Variants in TMEM254 observed in about 807,000 individuals in gnomAD.
TMEM254 encodes transmembrane protein 254.
Under a neutral mutation model 13.9 loss-of-function variants are expected in TMEM254, and 16 were observed. The ratio of observed to expected loss-of-function variants is 1.15; its 90% CI spans 0.78 to 1.75. The LOEUF (loss-of-function observed/expected upper bound fraction) is 1.75. Ranked by LOEUF, TMEM254 falls within the 40% of genes most tolerant of loss-of-function variation. The pLI, the probability that TMEM254 is intolerant of heterozygous loss-of-function variation, is 0.00. For synonymous variants in TMEM254, 61 were observed against 56.4 expected (o/e 1.08, Z -0.36); for missense variants, 155 against 149.0 (o/e 1.04, Z -0.21).
At chr10:80,079,291 T>C (rs1394051455) in intron 1 of TMEM254, 22 of 1,208,344 alleles carry the variant, frequency 1.8e-5, no homozygotes, top group Non-Finnish European at 2.2e-5. Context: ...CATCTGACGG[T>C]TGTCTCGGTT....
At chr10:80,090,023 A>G (rs7918223) in intron 3 of TMEM254, among the ~76,000 whole-genome samples, 32,045 of 149,832 alleles carry the variant, frequency 0.21, 3,730 homozygotes, top group East Asian at 0.4. Flanking sequence ...AAAAAAAAAG[A>G]AATTTGTCAA....
In TMEM254 at chr10:80,078,722, C is replaced by T. The variant is rs997938445; in HGVS notation, c.23C>T (p.Thr8Ile). 6.2e-7 allele frequency: 1 copy of T among 1,606,358 alleles called. No individual in the cohort carries two copies. Among genetic ancestry groups the T allele is most frequent in the Non-Finnish European group, 8.5e-7 (1 of 1,177,440 alleles). The change falls in exon 1 of 4, where the codon ACC (threonine) becomes ATC (isoleucine). Residue 8 changes from threonine to isoleucine, a missense_variant. Transcript: ENST00000372281. MATAAGATYFQRGSLFWF... is the reference protein window; with the variant it reads MATAAGAIYFQRGSLFWF... ...GCCATGGCTACGGCAGCCGGCGCGA[C>T]CTACTTTCAGCGAGGCAGTCTGTTC...
chr10:80,079,237 C>A (rs1450609235), intron 1 of TMEM254: 2 of 1,255,794 alleles, frequency 1.6e-6, no homozygotes, highest in Non-Finnish European at 2.1e-6. Flanking sequence ...GCCGGGCCCT[C>A]GTAGGGCGAG....
intron 3 of TMEM254, among the ~76,000 whole-genome samples, chr10:80,083,826 T>G (rs1392892710): frequency 6.6e-6 from 1 of 152,080 alleles, no homozygotes; most frequent in Admixed American, 6.6e-5. Flanking sequence ...CCTATAATCC[T>G]AGCACTTTAG....
chr10:80,081,713 AT>A, intron 1 of TMEM254, 127 bp from the exon 2 acceptor site: 1 of 1,608,706 alleles, frequency 6.2e-7, no homozygotes. Flanking sequence ...GGAGACCCAA[AT>A]GACTGTTCAG....
intron 3 of TMEM254, among the ~76,000 whole-genome samples, chr10:80,084,917 C>T (rs1844235456): frequency 6.6e-6 from 1 of 152,054 alleles, no homozygotes; most frequent in African/African-American, 2.4e-5. Flanking sequence ...CCTCTGCCTC[C>T]CTGGTTCAAG....
At chr10:80,090,305 G>A (rs749476523) in intron 3 of TMEM254, 4 of 708,926 alleles carry the variant, frequency 5.6e-6, no homozygotes, top group South Asian at 1.5e-5. Context: ...TCCTTCCTGA[G>A]CATGTTGTGT....
At chr10:80,089,299 T>C (rs1434942403) in intron 3 of TMEM254, among the ~76,000 whole-genome samples, 3 of 152,202 alleles carry the variant, frequency 2.0e-5, no homozygotes, top group Admixed American at 6.5e-5. Context: ...ATGTTTATTA[T>C]AGAGTTTTGT....
At chr10:80,081,676 GAA>G (rs1343749328) in intron 1 of TMEM254, 163 bp from the exon 2 acceptor site, 16 of 1,416,752 alleles carry the variant, frequency 1.1e-5, no homozygotes, top group Non-Finnish European at 1.5e-5. Context: ...AAAAAAAAAA[GAA>G]AGAAAGAAAA....
chr10:80,090,939 A>G lies in TMEM254; in HGVS notation c.*22A>G. Reference sequence around the variant, plus strand: ...TTGAAGTTGTCTGAAAGCTTGCTCTACACTTTTACATTCATCCTCACCCTT... The same window carrying G: ...TTGAAGTTGTCTGAAAGCTTGCTCTGCACTTTTACATTCATCCTCACCCTT... On this transcript the variant is annotated 3_prime_UTR_variant, in exon 4 of 4. Coordinates refer to ENST00000372281, the MANE Select transcript of TMEM254 (RefSeq NM_025125.4). 6.2e-7 allele frequency: 1 copy of G among 1,612,748 alleles called. No homozygotes were observed. Among genetic ancestry groups the G allele is most frequent in the Non-Finnish European group, 8.5e-7 (1 of 1,179,556 alleles).
chr10:80,091,072 C>T lies in TMEM254; in HGVS notation c.*155C>T. 1 of 877,498 alleles carries T rather than the reference C, an allele frequency of 1.1e-6. No homozygotes were observed. The allele number at this position is 877,498 out of a possible 1,614,324, so 54.4% of individuals were successfully genotyped here. A position where few individuals can be genotyped will look rare whatever the true frequency, so the allele number is the denominator to read the frequency against. Reference sequence around the variant, plus strand: ...ACCCCCTCGTTAGTCAGTTTTTTCTCTTATATGCTCTGGTTGAGCTTGAAT... The same window carrying T: ...ACCCCCTCGTTAGTCAGTTTTTTCTTTTATATGCTCTGGTTGAGCTTGAAT... On this transcript the variant is annotated 3_prime_UTR_variant, in exon 4 of 4. Coordinates refer to ENST00000372281, the MANE Select transcript of TMEM254 (RefSeq NM_025125.4).
chr10:80,083,539 G>A (rs181424707), intron 3 of TMEM254, among the ~76,000 whole-genome samples: 6 of 152,262 alleles, frequency 3.9e-5, no homozygotes, highest in Admixed American at 6.5e-5. Context: ...CAAACAGATC[G>A]TAGGATTTCC....
At position 80,090,950 on chromosome 10, in the gene TMEM254, T is replaced by G; in HGVS notation, c.*33T>G. 2 of 1,610,546 alleles carry G rather than the reference T, an allele frequency of 1.2e-6. No individual in the cohort carries two copies. Among genetic ancestry groups the G allele is most frequent in the Non-Finnish European group, 1.7e-6 (2 of 1,178,848 alleles). On this transcript the variant is annotated 3_prime_UTR_variant, in exon 4 of 4. Transcript: ENST00000372281. ...TGAAAGCTTGCTCTACACTTTTACA[T>G]TCATCCTCACCCTTTTTTTTGTGGG...
intron 1 of TMEM254, chr10:80,079,065 GTGTC>G: frequency 2.1e-6 from 3 of 1,460,550 alleles, no homozygotes; most frequent in Non-Finnish European, 2.8e-6. Flanking sequence ...AGCCAACTCT[GTGTC>G]TGGGTTTTTC....
chr10:80,079,383 A>C, intron 1 of TMEM254: 1 of 1,139,058 alleles, frequency 8.8e-7, no homozygotes, highest in Non-Finnish European at 1.1e-6. Flanking sequence ...TCACCTCTGC[A>C]TGGTTACTAA....
In TMEM254 at chr10:80,082,284, A is replaced by G. The variant is rs1303998109; in HGVS notation, c.251+80A>G. On this transcript the variant is annotated intron_variant, in intron 3 of 3. Transcript: ENST00000372281. ...GAGAGCAGCCACATTTAAATAGTTC[A>G]CACACTTGTAGGCTGAGAATATTCT... The G allele has an allele frequency of 5.3e-6, 8 of 1,497,342 alleles. No homozygotes were observed. The Admixed American group carries it at 6.7e-5, about 13-fold the overall frequency. The allele number at this position is 1,497,342 out of a possible 1,614,324, so 92.8% of individuals were successfully genotyped here.
intron 3 of TMEM254, among the ~76,000 whole-genome samples, chr10:80,087,909 G>T (rs1271501040): frequency 1.3e-5 from 2 of 151,262 alleles, no homozygotes; most frequent in East Asian, 1.9e-4. Context: ...TATTCTGTTG[G>T]GCCTTTTGAT....
chr10:80,088,975 G>T (rs1370086081), intron 3 of TMEM254, among the ~76,000 whole-genome samples: 3 of 149,668 alleles, frequency 2.0e-5, no homozygotes. Context: ...TCAGTGGCAT[G>T]ATCTTGGCTC....
chr10:80,083,350 C>T (rs1276264969), intron 3 of TMEM254, among the ~76,000 whole-genome samples: 5 of 152,158 alleles, frequency 3.3e-5, no homozygotes, highest in Non-Finnish European at 7.3e-5. Flanking sequence ...AGGTGATCCG[C>T]CTGCCTTCGC....
Sources: gnomAD v4.1 joint callset for allele counts (sites outside exome capture counted in the v4.1 genomes callset) on GRCh38, gnomAD v4.1.1 for gene constraint, MANE v1.5 for transcripts, NCBI Gene and HGNC (gene_info 2026-07-23, HGNC 2026-07-21) for gene names.